The following NALF1 variants were observed in gnomAD, a reference collection of about 807,000 sequenced individuals.
NALF1 encodes family with sequence similarity 155 member A.
In NALF1, 3 loss-of-function variants were observed where a neutral mutation model predicts 48.4. The observed-to-expected ratio is 0.06, with a 90% confidence interval of 0.03 to 0.16. The LOEUF (loss-of-function observed/expected upper bound fraction) is 0.16. Ranked by LOEUF, NALF1 falls within the 10% of genes least tolerant of loss-of-function variation. The probability of loss-of-function intolerance (pLI) is 1.00; values close to 1 mark genes in which losing one functional copy is unlikely to be tolerated. For missense variants in NALF1, 526 were observed against 571.5 expected (o/e 0.92, Z 0.81); for synonymous variants, 262 against 245.7 (o/e 1.07, Z -0.62).
At chr13:107,642,853 T>G (rs186761405) in intron 1 of NALF1, among the ~76,000 whole-genome samples, 1 of 152,348 alleles carries the variant, frequency 6.6e-6, no homozygotes, top group Admixed American at 6.5e-5. Context: ...CCCTTTTAAC[T>G]TCACTTAAAG....
At chr13:107,842,498 G>T (rs937047421) in intron 1 of NALF1, among the ~76,000 whole-genome samples, 4 of 151,550 alleles carry the variant, frequency 2.6e-5, no homozygotes, top group African/African-American at 9.7e-5. Flanking sequence ...TAACCAACAA[G>T]TAACAGTTTT....
At chr13:107,420,128 T>C (rs772403435) in intron 1 of NALF1, among the ~76,000 whole-genome samples, 1 of 152,218 alleles carries the variant, frequency 6.6e-6, no homozygotes, top group Non-Finnish European at 1.5e-5. Flanking sequence ...CAGAGAGAAC[T>C]GAAAGATGAA....
At chr13:107,550,471 G>A (rs1877261310) in intron 1 of NALF1, among the ~76,000 whole-genome samples, 1 of 151,924 alleles carries the variant, frequency 6.6e-6, no homozygotes, top group African/African-American at 2.4e-5. Flanking sequence ...TAACACACTG[G>A]GATGACATCT....
intron 1 of NALF1, among the ~76,000 whole-genome samples, chr13:107,841,325 C>T (rs1048307758): frequency 1.3e-5 from 2 of 152,224 alleles, no homozygotes; most frequent in African/African-American, 2.4e-5. Context: ...ACAGCCCTCT[C>T]GCTATGTGTG....
chr13:107,244,225 A>C (rs1451038861), intron 1 of NALF1, among the ~76,000 whole-genome samples: 1 of 152,222 alleles, frequency 6.6e-6, no homozygotes, highest in Non-Finnish European at 1.5e-5. Context: ...TTATAAAATA[A>C]ATAGGAATTG....
intron 1 of NALF1, among the ~76,000 whole-genome samples, chr13:107,583,115 TTC>T (rs1348527843): frequency 2.6e-5 from 4 of 152,148 alleles, no homozygotes; most frequent in Admixed American, 6.6e-5. Flanking sequence ...CCTCCCTCTT[TTC>T]TCTGTCTCTT....
chr13:107,647,548 C>T (rs1880345853), intron 1 of NALF1, among the ~76,000 whole-genome samples: 1 of 151,442 alleles, frequency 6.6e-6, no homozygotes, highest in Admixed American at 6.6e-5. Context: ...ATAACAATCC[C>T]ATGAAACCTT....
At chr13:107,515,730 A>G (rs1275571229) in intron 1 of NALF1, among the ~76,000 whole-genome samples, 1 of 152,084 alleles carries the variant, frequency 6.6e-6, no homozygotes, top group Non-Finnish European at 1.5e-5. Context: ...CGTTTCCCAC[A>G]CCCTAGGAGC....
chr13:107,655,530 A>G (rs974343049), intron 1 of NALF1, among the ~76,000 whole-genome samples: 1 of 152,158 alleles, frequency 6.6e-6, no homozygotes, highest in Admixed American at 6.6e-5. Flanking sequence ...AAATGGAAAC[A>G]CATCCCATGC....
chr13:107,807,165 G>A (rs1594281204), intron 1 of NALF1, among the ~76,000 whole-genome samples: 1 of 152,180 alleles, frequency 6.6e-6, no homozygotes, highest in South Asian at 2.1e-4. Context: ...ATGTAAATAT[G>A]ATTATATTGA....
At chr13:107,297,793 A>G (rs1280518410) in intron 1 of NALF1, among the ~76,000 whole-genome samples, 2 of 152,232 alleles carry the variant, frequency 1.3e-5, no homozygotes, top group Admixed American at 6.5e-5. Flanking sequence ...AATATGGAGC[A>G]GACTAAATGA....
At chr13:107,419,724 T>G (rs956542718) in intron 1 of NALF1, among the ~76,000 whole-genome samples, 1 of 152,226 alleles carries the variant, frequency 6.6e-6, no homozygotes, top group African/African-American at 2.4e-5. Context: ...GTATGAAATA[T>G]TAAAAGAGGG....
At chr13:107,553,775 A>G (rs1484086749) in intron 1 of NALF1, among the ~76,000 whole-genome samples, 1 of 152,216 alleles carries the variant, frequency 6.6e-6, no homozygotes, top group African/African-American at 2.4e-5. Flanking sequence ...CTCTGCTTCA[A>G]CTTTAAGAAT....
chr13:107,549,075 C>A (rs1177553679), intron 1 of NALF1, among the ~76,000 whole-genome samples: 1 of 152,100 alleles, frequency 6.6e-6, no homozygotes, highest in Admixed American at 6.6e-5. Context: ...TTACATTCTA[C>A]CACCTCAGAT....
chr13:107,815,720 A>G (rs1879143950), intron 1 of NALF1, among the ~76,000 whole-genome samples: 1 of 152,326 alleles, frequency 6.6e-6, no homozygotes, highest in Middle Eastern at 3.4e-3. Context: ...TAGTAGCCCA[A>G]AAAGGTGAAC....
intron 1 of NALF1, among the ~76,000 whole-genome samples, chr13:107,776,377 A>G (rs926799995): frequency 1.3e-5 from 2 of 152,154 alleles, no homozygotes; most frequent in Non-Finnish European, 2.9e-5. Context: ...TGTGGCAGTG[A>G]GAAGTAAAGG....
At chr13:107,808,918 C>T (rs1878899042) in intron 1 of NALF1, among the ~76,000 whole-genome samples, 1 of 152,034 alleles carries the variant, frequency 6.6e-6, no homozygotes, top group South Asian at 2.1e-4. Flanking sequence ...AAATAAGTTA[C>T]TAATAGGCCT....
intron 1 of NALF1, among the ~76,000 whole-genome samples, chr13:107,233,615 GA>G (rs906686211): frequency 2.1e-4 from 32 of 152,146 alleles, no homozygotes; most frequent in African/African-American, 7.2e-4. Context: ...GGAAAAAGAG[GA>G]AAAAAATATA....
At chr13:107,447,998 A>G (rs1056830427) in intron 1 of NALF1, among the ~76,000 whole-genome samples, 1 of 152,114 alleles carries the variant, frequency 6.6e-6, no homozygotes, top group African/African-American at 2.4e-5. Context: ...CTGCTCTTTC[A>G]AATACAGGGC....
Sources: allele counts gnomAD v4.1 joint callset (sites outside exome capture counted in the v4.1 genomes callset), GRCh38; gene constraint gnomAD v4.1.1; transcripts MANE v1.5; gene names NCBI Gene and HGNC (gene_info 2026-07-23, HGNC 2026-07-21).